EBF1: variants seen among roughly 807,000 people sequenced by gnomAD.
EBF1 encodes the protein EBF transcription factor 1.
EBF1 carries 10 observed loss-of-function variants against 68.4 expected under a neutral mutation model. That is an observed-to-expected ratio of 0.15 (90% confidence interval 0.09 to 0.25). The LOEUF is 0.25. EBF1 is among the 10% of genes least tolerant of loss of function. The pLI is 1.00. For missense variants in EBF1, 509 were observed against 794.4 expected, an observed-to-expected ratio of 0.64 and a Z score of 4.32; for synonymous variants, 298 against 299.8, an observed-to-expected ratio of 0.99 and a Z score of 0.06.
intron 6 of EBF1, among the ~76,000 whole-genome samples, chr5:158,875,087 A>ACACACACACC (rs10581960): frequency 2.7e-5 from 4 of 149,002 alleles, no homozygotes; most frequent in African/African-American, 9.8e-5. Flanking sequence ...ACACACACAC[A>ACACACACACC]CCAGGCAGTT....
intron 11 of EBF1, among the ~76,000 whole-genome samples, chr5:158,717,730 T>G (rs1331876386): frequency 1.3e-5 from 2 of 152,132 alleles, no homozygotes; most frequent in Non-Finnish European, 2.9e-5. Flanking sequence ...GTAATGTTTG[T>G]TCTCCAATCT....
chr5:158,909,670 G>A (rs1583080375), intron 6 of EBF1, among the ~76,000 whole-genome samples: 1 of 152,118 alleles, frequency 6.6e-6, no homozygotes, highest in Non-Finnish European at 1.5e-5. Context: ...CGGGTGCGGT[G>A]GCTGACACCT....
At chr5:158,941,865 T>C (rs1415083270) in intron 6 of EBF1, among the ~76,000 whole-genome samples, 1 of 152,158 alleles carries the variant, frequency 6.6e-6, no homozygotes, top group Non-Finnish European at 1.5e-5. Context: ...CTTAAATACA[T>C]CCTCTTTTCT....
chr5:158,917,777 A>G (rs1013308747), intron 6 of EBF1, among the ~76,000 whole-genome samples: 1 of 152,216 alleles, frequency 6.6e-6, no homozygotes, highest in Non-Finnish European at 1.5e-5. Context: ...GACATCCAGA[A>G]AAACTGATCT....
chr5:159,031,474 T>TCCC (rs1173457135), intron 6 of EBF1, among the ~76,000 whole-genome samples: 2 of 151,724 alleles, frequency 1.3e-5, no homozygotes, highest in African/African-American at 2.4e-5. Flanking sequence ...AACGAAAGCC[T>TCCC]CCTTTCTTAC....
At chr5:159,055,237 G>A (rs1774530606) in intron 6 of EBF1, among the ~76,000 whole-genome samples, 1 of 152,162 alleles carries the variant, frequency 6.6e-6, no homozygotes, top group East Asian at 1.9e-4. Flanking sequence ...ACTGTCCAAT[G>A]TCAGATATGA....
At chr5:158,769,721 G>A (rs112227831) in intron 10 of EBF1, among the ~76,000 whole-genome samples, 20 of 151,652 alleles carry the variant, frequency 1.3e-4, no homozygotes, top group African/African-American at 4.8e-4. Context: ...ATCATATGTT[G>A]TGGAACAAAA....
chr5:158,853,975 C>G (rs770651551), intron 6 of EBF1, among the ~76,000 whole-genome samples: 1 of 152,088 alleles, frequency 6.6e-6, no homozygotes. Context: ...AACGTCTTGT[C>G]TTCAGGGACA....
intron 15 of EBF1, among the ~76,000 whole-genome samples, chr5:158,701,404 A>G (rs1412371896): frequency 2.0e-5 from 3 of 152,092 alleles, no homozygotes; most frequent in East Asian, 3.9e-4. Flanking sequence ...GTACCCAAAT[A>G]GTGTGTTAGA....
chr5:158,932,367 C>T (rs949314761), intron 6 of EBF1, among the ~76,000 whole-genome samples: 1 of 152,018 alleles, frequency 6.6e-6, no homozygotes, highest in Non-Finnish European at 1.5e-5. Flanking sequence ...AAGGAGAGGG[C>T]TAAAGATGTA....
chr5:158,847,906 GGT>G (rs1791847089), intron 6 of EBF1, among the ~76,000 whole-genome samples: 1 of 152,158 alleles, frequency 6.6e-6, no homozygotes, highest in Admixed American at 6.5e-5. Context: ...CTGGATTACT[GGT>G]GTAAATCTTT....
chr5:158,869,618 C>T (rs531226744), intron 6 of EBF1, among the ~76,000 whole-genome samples: 74 of 136,326 alleles, frequency 5.4e-4, no homozygotes, highest in Admixed American at 4.9e-3. Flanking sequence ...CACACACACA[C>T]GTTTTGTTGT....
At chr5:159,045,067 A>G (rs557370114) in intron 6 of EBF1, among the ~76,000 whole-genome samples, 1 of 152,312 alleles carries the variant, frequency 6.6e-6, no homozygotes, top group East Asian at 1.9e-4. Flanking sequence ...TCCTTTTATT[A>G]TAAAGTAAGA....
intron 1 of EBF1, among the ~76,000 whole-genome samples, chr5:159,098,262 C>T (rs983005256): frequency 3.9e-5 from 6 of 152,218 alleles, no homozygotes; most frequent in African/African-American, 1.4e-4. Flanking sequence ...CTTGGGTGTG[C>T]CCAGGAAAGT....
chr5:158,699,560 C>G (rs145767968), intron 15 of EBF1, among the ~76,000 whole-genome samples: 238 of 152,258 alleles, frequency 1.6e-3, no homozygotes, highest in African/African-American at 5.2e-3. Flanking sequence ...AAACTGCAAG[C>G]AGTTTCTACA....
chr5:158,732,604 C>T (rs1764332527), intron 10 of EBF1, among the ~76,000 whole-genome samples: 1 of 151,832 alleles, frequency 6.6e-6, no homozygotes. Context: ...AAAAAAAAAG[C>T]TGCATAAAGT....
intron 9 of EBF1, among the ~76,000 whole-genome samples, chr5:158,781,172 T>G (rs980453384): frequency 3.3e-5 from 5 of 152,206 alleles, no homozygotes; most frequent in Admixed American, 6.5e-5. Flanking sequence ...GTATTTCAGA[T>G]GAGAAAAGTT....
intron 8 of EBF1, among the ~76,000 whole-genome samples, chr5:158,814,393 A>G (rs1783305105): frequency 6.6e-6 from 1 of 152,210 alleles, no homozygotes; most frequent in Admixed American, 6.5e-5. Flanking sequence ...TGGCCAAAAT[A>G]TAAGTAGAAA....
chr5:158,746,471 T>C (rs1301574147), intron 10 of EBF1, among the ~76,000 whole-genome samples: 2 of 152,174 alleles, frequency 1.3e-5, no homozygotes, highest in African/African-American at 4.8e-5. Context: ...TTTTTCCAAG[T>C]GGGCAAAGGC....
Sources: allele counts gnomAD v4.1 joint callset (sites outside exome capture counted in the v4.1 genomes callset), GRCh38; gene constraint gnomAD v4.1.1; transcripts MANE v1.5; gene names NCBI Gene and HGNC (gene_info 2026-07-23, HGNC 2026-07-21).